The following DZIP1 variants were observed in gnomAD, a reference collection of about 807,000 sequenced individuals.
DZIP1 encodes cilium assembly protein DZIP1.
In DZIP1, 97 loss-of-function variants were observed where a neutral mutation model predicts 107.6. That is an observed-to-expected ratio of 0.90 (90% confidence interval 0.77 to 1.07). The LOEUF is 1.07. DZIP1 is among the 50% of genes least tolerant of loss of function. The pLI is 0.00. For missense variants in DZIP1, 1,035 were observed against 1,063.6 expected (o/e 0.97, Z 0.37); for synonymous variants, 390 against 386.4 (o/e 1.01, Z -0.11).
intron 5 of DZIP1, among the ~76,000 whole-genome samples, chr13:95,636,367 A>G (rs1877817538): frequency 6.6e-6 from 1 of 151,952 alleles, no homozygotes; most frequent in Admixed American, 6.5e-5. Flanking sequence ...ACTTGGCGAA[A>G]CCCTGTCTCT....
chr13:95,638,569 A>C (rs1429209929), intron 5 of DZIP1, among the ~76,000 whole-genome samples: 1 of 152,078 alleles, frequency 6.6e-6, no homozygotes, highest in African/African-American at 2.4e-5. Flanking sequence ...TCTGCATTTT[A>C]AATTTTTTAA....
At chr13:95,595,213 T>C (rs2044412858) in intron 15 of DZIP1, among the ~76,000 whole-genome samples, 1 of 152,238 alleles carries the variant, frequency 6.6e-6, no homozygotes, top group African/African-American at 2.4e-5. Context: ...TTAATACCCA[T>C]ACTACTTGGA....
chr13:95,627,145 T>A (rs544937336), intron 7 of DZIP1, among the ~76,000 whole-genome samples: 1 of 152,210 alleles, frequency 6.6e-6, no homozygotes, highest in South Asian at 2.1e-4. Context: ...TTGTGTGATA[T>A]TGGCATAAAG....
rs573230901 is a variant in DZIP1, at chr13:95,580,931, G to A, written c.*1303C>T. 5.3e-5 allele frequency: 8 copies of A among 152,314 alleles called. No individual in the cohort carries two copies. Among genetic ancestry groups the A allele is most frequent in the Non-Finnish European group, 1.5e-5 (1 of 68,038 alleles). The allele number at this position is 152,314 out of a possible 1,614,324, so 9.4% of individuals were successfully genotyped here. On this transcript the variant is annotated 3_prime_UTR_variant, in exon 23 of 23. Transcript: ENST00000376829. ...GGAAGTTGGAAGGATTCTTTTAGAG[G>A]GCAGGAATGGGCTACAAGTAAAAAG...
intron 22 of DZIP1, chr13:95,584,482 AAAAAAT>A (rs1425366529): frequency 1.3e-5 from 9 of 683,978 alleles, no homozygotes; most frequent in East Asian, 8.4e-5. Context: ...TTTCAAAAAC[AAAAAAT>A]AAAAATAAAA....
chr13:95,632,452 T>A (rs1038263541), intron 6 of DZIP1, among the ~76,000 whole-genome samples: 4 of 152,102 alleles, frequency 2.6e-5, no homozygotes, highest in African/African-American at 9.7e-5. Flanking sequence ...CAACTTCACC[T>A]GCCCACCTGC....
intron 11 of DZIP1, among the ~76,000 whole-genome samples, chr13:95,611,715 T>G (rs2139123684): frequency 6.6e-6 from 1 of 152,306 alleles, no homozygotes; most frequent in Middle Eastern, 3.4e-3. Flanking sequence ...ACACCTTGAA[T>G]CTAAAATAAA....
Position 95,581,342 on chromosome 13 carries a change from TA to T in DZIP1, c.*891del, listed in dbSNP as rs929478133. ...AATACATGTTGGGTATTTTAAATAG[TA>T]AAAAAAAACATACATATGTGAATTC... On this transcript the variant is annotated 3_prime_UTR_variant, in exon 23 of 23. Transcript: ENST00000376829. 34 of 151,852 alleles carry T rather than the reference TA, an allele frequency of 2.2e-4. No individual in the cohort carries two copies. Among genetic ancestry groups the T allele is most frequent in the Non-Finnish European group, 1.5e-4 (10 of 67,828 alleles). The allele number at this position is 151,852 out of a possible 1,614,324, so 9.4% of individuals were successfully genotyped here. A position where few individuals can be genotyped will look rare whatever the true frequency, so the allele number is the denominator to read the frequency against.
At chr13:95,594,116 A>G (rs1249195655) in intron 15 of DZIP1, 30 bp from the exon 16 acceptor site, 1 of 1,558,280 alleles carries the variant, frequency 6.4e-7, no homozygotes, top group East Asian at 2.3e-5. Context: ...ATGTGTTAAA[A>G]AAAGAATTAA....
At chr13:95,637,544 G>A (rs758012823) in intron 5 of DZIP1, among the ~76,000 whole-genome samples, 4 of 152,000 alleles carry the variant, frequency 2.6e-5, no homozygotes, top group Non-Finnish European at 5.9e-5. Context: ...TTTAAGGCCA[G>A]CCTGGGCACA....
At chr13:95,633,017 C>T (rs761569573) in intron 6 of DZIP1, among the ~76,000 whole-genome samples, 5 of 152,150 alleles carry the variant, frequency 3.3e-5, no homozygotes, top group Non-Finnish European at 7.3e-5. Flanking sequence ...ATGTAAAACT[C>T]GAGAGAGAGT....
At chr13:95,620,912 A>G (rs896690772) in intron 9 of DZIP1, among the ~76,000 whole-genome samples, 1 of 152,228 alleles carries the variant, frequency 6.6e-6, no homozygotes, top group African/African-American at 2.4e-5. Flanking sequence ...TCAACAGTTC[A>G]GTTCAGGACA....
rs2044277322 is a variant in DZIP1, at chr13:95,590,274, C to T, written c.1843+5G>A. ...GCTCCCATTTGCAGTGGGTAACAAG[C>T]TTACCTGAAGAGAGTAGTGCTTTCT... On this transcript the variant is annotated splice_donor_5th_base_variant and intron_variant, in intron 17 of 22. Transcript: ENST00000376829. The T allele has an allele frequency of 6.3e-7, 1 of 1,597,410 alleles. No individual in the cohort carries two copies. The highest frequency in any genetic ancestry group is 1.8e-5 in the Admixed American group (1 of 56,502).
At chr13:95,642,347 G>A (rs539020894) in intron 3 of DZIP1, 106 bp from the exon 4 acceptor site, 4 of 323,960 alleles carry the variant, frequency 1.2e-5, no homozygotes, top group South Asian at 2.0e-4. Flanking sequence ...ACCCTCCCTG[G>A]CGTTTGGGGC....
chr13:95,636,576 GAGAA>G (rs1193599857), intron 5 of DZIP1, among the ~76,000 whole-genome samples: 3 of 147,870 alleles, frequency 2.0e-5, no homozygotes, highest in African/African-American at 7.5e-5. Flanking sequence ...AAAAAGAAAA[GAGAA>G]AGCAAGGAAT....
At chr13:95,620,718 C>A (rs1258250648) in intron 9 of DZIP1, among the ~76,000 whole-genome samples, 1 of 152,200 alleles carries the variant, frequency 6.6e-6, no homozygotes, top group Non-Finnish European at 1.5e-5. Context: ...AAAGGAGGTG[C>A]TAGTTTGCCA....
At chr13:95,623,228 T>G (rs537087840) in intron 8 of DZIP1, among the ~76,000 whole-genome samples, 2 of 152,324 alleles carry the variant, frequency 1.3e-5, no homozygotes, top group Non-Finnish European at 2.9e-5. Flanking sequence ...CCAATGTTAC[T>G]CATGGCAAAA....
chr13:95,600,321 C>G (rs1167426389), intron 14 of DZIP1, among the ~76,000 whole-genome samples: 1 of 152,082 alleles, frequency 6.6e-6, no homozygotes, highest in Admixed American at 6.6e-5. Flanking sequence ...GCACTTCCCC[C>G]CACCAGCTCT....
At chr13:95,630,806 A>C in intron 6 of DZIP1, 4 of 1,169,544 alleles carry the variant, frequency 3.4e-6, no homozygotes, top group Non-Finnish European at 4.5e-6. Context: ...CAGAATCTCA[A>C]AGATGACCTG....
Sources: allele counts gnomAD v4.1 joint callset (sites outside exome capture counted in the v4.1 genomes callset), GRCh38; gene constraint gnomAD v4.1.1; transcripts MANE v1.5; gene names NCBI Gene and HGNC (gene_info 2026-07-23, HGNC 2026-07-21).